SIL1: variants seen among roughly 807,000 people sequenced by gnomAD.
SIL1 encodes the protein SIL1 nucleotide exchange factor, also known as nucleotide exchange factor SIL1.
SIL1 carries 40 observed loss-of-function variants against 49.1 expected under a neutral mutation model. The observed-to-expected ratio is 0.81, with a 90% CI of 0.63 to 1.06. The LOEUF (loss-of-function observed/expected upper bound fraction) is 1.06, where lower values mean the gene tolerates loss of function less well. SIL1 is among the 50% of genes least tolerant of loss of function. SIL1 has a pLI of 0.00. For missense variants in SIL1, 500 were observed against 572.6 expected (o/e 0.87, Z 1.29); for synonymous variants, 253 against 250.8 (o/e 1.01, Z -0.08).
chr5:139,130,317 G>A (rs1750837237), intron 1 of SIL1, among the ~76,000 whole-genome samples: 1 of 152,000 alleles, frequency 6.6e-6, no homozygotes, highest in Non-Finnish European at 1.5e-5. Flanking sequence ...ATGGGCAAAG[G>A]ACTTGAATAA....
intron 3 of SIL1, among the ~76,000 whole-genome samples, chr5:139,056,290 C>A (rs1193560100): frequency 2.6e-5 from 4 of 151,416 alleles, no homozygotes; most frequent in African/African-American, 9.7e-5. Flanking sequence ...GGCCGCCCAT[C>A]GTCTGAGATG....
At chr5:139,051,260 C>A in intron 3 of SIL1, 1 of 584,292 alleles carries the variant, frequency 1.7e-6, no homozygotes, top group Non-Finnish European at 3.1e-6. Context: ...AAGGGAATGA[C>A]GTAAGATGGG....
intron 5 of SIL1, among the ~76,000 whole-genome samples, chr5:139,040,030 CTCATT>C (rs1228796786): frequency 6.6e-6 from 1 of 150,680 alleles, no homozygotes; most frequent in Non-Finnish European, 1.5e-5. Context: ...CAAAAACCCA[CTCATT>C]TAATTAAGAG....
intron 7 of SIL1, among the ~76,000 whole-genome samples, chr5:138,977,531 A>G (rs193004974): frequency 6.6e-6 from 1 of 152,024 alleles, no homozygotes; most frequent in Non-Finnish European, 1.5e-5. Flanking sequence ...GCTGGAGCAC[A>G]GTGGTGCAAT....
At chr5:139,193,292 G>A (rs140218545) in intron 1 of SIL1, among the ~76,000 whole-genome samples, 1,684 of 152,310 alleles carry the variant, frequency 0.011, 29 homozygotes, top group African/African-American at 0.038. Flanking sequence ...AGCTGGGCAC[G>A]ATGGCTCATG....
At chr5:139,027,098 TCA>T (rs1195641101) in intron 5 of SIL1, 106 bp from the exon 6 acceptor site, 5 of 988,614 alleles carry the variant, frequency 5.1e-6, no homozygotes, top group Non-Finnish European at 6.3e-6. Context: ...GCTCCAAGAC[TCA>T]CAGTCTTCTC....
At chr5:139,176,236 A>T (rs1751880600) in intron 1 of SIL1, among the ~76,000 whole-genome samples, 1 of 152,174 alleles carries the variant, frequency 6.6e-6, no homozygotes, top group Non-Finnish European at 1.5e-5. Flanking sequence ...CTGAGGCACC[A>T]TTAGAAGGGC....
intron 3 of SIL1, among the ~76,000 whole-genome samples, chr5:139,099,756 G>A (rs1468788736): frequency 2.6e-5 from 4 of 152,190 alleles, no homozygotes; most frequent in Non-Finnish European, 5.9e-5. Context: ...ACAGCAGGTA[G>A]AAGGATGGTT....
intron 7 of SIL1, among the ~76,000 whole-genome samples, chr5:139,011,808 G>T (rs568791044): frequency 6.6e-6 from 1 of 152,056 alleles, no homozygotes; most frequent in Non-Finnish European, 1.5e-5. Flanking sequence ...ATTTGTTTCT[G>T]CATCTACCAG....
At chr5:139,111,268 C>T (rs1213854776) in intron 3 of SIL1, among the ~76,000 whole-genome samples, 1 of 152,206 alleles carries the variant, frequency 6.6e-6, no homozygotes, top group Non-Finnish European at 1.5e-5. Flanking sequence ...CTGTCTATAT[C>T]CCTACCACCT....
intron 5 of SIL1, 43 bp downstream of exon 5, chr5:139,042,577 G>A: frequency 6.6e-7 from 1 of 1,513,920 alleles, no homozygotes; most frequent in Non-Finnish European, 9.2e-7. Context: ...AGACAACAAG[G>A]CCATGCTGCA....
chr5:139,178,855 T>C (rs1017857175), intron 1 of SIL1, among the ~76,000 whole-genome samples: 5 of 152,160 alleles, frequency 3.3e-5, no homozygotes. Flanking sequence ...CTCTGGAATG[T>C]AACAGATGTT....
chr5:139,034,190 T>A (rs1768853434), intron 5 of SIL1, among the ~76,000 whole-genome samples: 1 of 152,184 alleles, frequency 6.6e-6, no homozygotes, highest in Non-Finnish European at 1.5e-5. Context: ...ACTTTCAACC[T>A]ACTGTCTTTA....
At chr5:138,983,113 C>A (rs142654799) in intron 7 of SIL1, among the ~76,000 whole-genome samples, 4 of 141,926 alleles carry the variant, frequency 2.8e-5, no homozygotes, top group African/African-American at 1.1e-4. Flanking sequence ...GCACGAGAAT[C>A]ACTTGAACCC....
At chr5:139,033,170 C>T (rs563345108) in intron 5 of SIL1, among the ~76,000 whole-genome samples, 11 of 151,742 alleles carry the variant, frequency 7.2e-5, no homozygotes, top group Non-Finnish European at 1.2e-4. Context: ...ATTTTTTTTA[C>T]TTTTAGTAGA....
At chr5:139,197,346 C>T (rs1278135303) in intron 1 of SIL1, among the ~76,000 whole-genome samples, 1 of 151,514 alleles carries the variant, frequency 6.6e-6, no homozygotes, top group African/African-American at 2.4e-5. Context: ...GTTTCATTCT[C>T]CTCCTGTCTA....
intron 3 of SIL1, among the ~76,000 whole-genome samples, chr5:139,094,598 C>CT (rs1770415112): frequency 6.6e-6 from 1 of 152,186 alleles, no homozygotes; most frequent in Non-Finnish European, 1.5e-5. Flanking sequence ...TTATTTTGGA[C>CT]TTACAGAAAA....
chr5:139,099,955 G>A (rs975485361), intron 3 of SIL1, among the ~76,000 whole-genome samples: 60 of 152,070 alleles, frequency 3.9e-4, no homozygotes, highest in African/African-American at 1.4e-3. Flanking sequence ...TAACACAAAG[G>A]ATAAATGCTT....
intron 3 of SIL1, among the ~76,000 whole-genome samples, chr5:139,105,134 T>C (rs914853673): frequency 6.6e-6 from 1 of 152,082 alleles, no homozygotes; most frequent in Non-Finnish European, 1.5e-5. Context: ...GATTGAGTCA[T>C]GTTATGAATC....
Sources: gnomAD v4.1 joint callset for allele counts (sites outside exome capture counted in the v4.1 genomes callset) on GRCh38, gnomAD v4.1.1 for gene constraint, MANE v1.5 for transcripts, NCBI Gene and HGNC (gene_info 2026-07-23, HGNC 2026-07-21) for gene names.